CTNNA3: variants seen among roughly 807,000 people sequenced by gnomAD.
CTNNA3 encodes the protein catenin alpha-3.
In CTNNA3, 76 loss-of-function variants were observed where a neutral mutation model predicts 95.7. The observed-to-expected ratio is 0.79, with a 90% CI of 0.66 to 0.96. CTNNA3 has a LOEUF of 0.96. CTNNA3 is among the 40% of genes least tolerant of loss of function. CTNNA3 has a pLI of 0.00. For missense variants in CTNNA3, 1,191 were observed against 1,089.8 expected, an observed-to-expected ratio of 1.09 and a Z score of -1.31; for synonymous variants, 431 against 374.4, an observed-to-expected ratio of 1.15 and a Z score of -1.74.
chr10:66,316,430 T>C (rs918767942), intron 12 of CTNNA3, among the ~76,000 whole-genome samples: 3 of 152,056 alleles, frequency 2.0e-5, no homozygotes, highest in Admixed American at 2.0e-4. Context: ...ACTCATTAAT[T>C]TTTTAATTCC....
intron 3 of CTNNA3, among the ~76,000 whole-genome samples, chr10:67,540,204 AT>A (rs557061741): frequency 6.6e-6 from 1 of 152,138 alleles, no homozygotes; most frequent in Admixed American, 6.6e-5. Context: ...TGTGTCCACT[AT>A]TTTTAATGCC....
At chr10:66,835,954 C>A (rs914322450) in intron 7 of CTNNA3, among the ~76,000 whole-genome samples, 2 of 151,724 alleles carry the variant, frequency 1.3e-5, no homozygotes, top group Non-Finnish European at 2.9e-5. Context: ...TACTGCTGAT[C>A]TAAGGACCAC....
intron 5 of CTNNA3, among the ~76,000 whole-genome samples, chr10:67,387,622 A>G (rs1271273824): frequency 2.0e-5 from 3 of 152,154 alleles, no homozygotes; most frequent in East Asian, 1.9e-4. Context: ...CAGACAAACA[A>G]AAAGACAGCA....
chr10:67,196,581 T>C (rs1281356004), intron 6 of CTNNA3, among the ~76,000 whole-genome samples: 2 of 152,086 alleles, frequency 1.3e-5, no homozygotes, highest in Admixed American at 1.3e-4. Context: ...ATTTCACTCA[T>C]CTGATTTCAC....
intron 7 of CTNNA3, among the ~76,000 whole-genome samples, chr10:67,147,495 C>T (rs1393738154): frequency 1.3e-5 from 2 of 152,106 alleles, no homozygotes; most frequent in Non-Finnish European, 2.9e-5. Context: ...TCTTTTCTTC[C>T]AGGGTCAAAA....
chr10:66,598,552 T>C (rs969063397), intron 10 of CTNNA3, among the ~76,000 whole-genome samples: 3 of 151,942 alleles, frequency 2.0e-5, no homozygotes, highest in African/African-American at 7.2e-5. Context: ...AATAGGCAAA[T>C]TCAGTAAAGT....
At chr10:67,159,037 C>T (rs576871169) in intron 7 of CTNNA3, among the ~76,000 whole-genome samples, 5 of 152,220 alleles carry the variant, frequency 3.3e-5, no homozygotes, top group African/African-American at 1.2e-4. Flanking sequence ...GAAACCAGGC[C>T]TGGGCCTGCC....
intron 15 of CTNNA3, among the ~76,000 whole-genome samples, chr10:66,026,875 G>A (rs757759789): frequency 6.6e-6 from 1 of 152,042 alleles, no homozygotes. Context: ...TATGAAAATG[G>A]TGCTTCTAAG....
At chr10:67,747,863 A>C (rs1841381910) in intron 1 of CTNNA3, among the ~76,000 whole-genome samples, 1 of 152,224 alleles carries the variant, frequency 6.6e-6, no homozygotes, top group African/African-American at 2.4e-5. Context: ...AAGAACCATG[A>C]TAAAAGGTTA....
At chr10:66,672,104 T>C (rs1039593013) in intron 9 of CTNNA3, among the ~76,000 whole-genome samples, 1 of 152,074 alleles carries the variant, frequency 6.6e-6, no homozygotes, top group African/African-American at 2.4e-5. Context: ...ACAGAGAGAA[T>C]GGAGGAAGGG....
chr10:67,728,030 TG>T (rs1160957480), intron 1 of CTNNA3, among the ~76,000 whole-genome samples: 1 of 141,178 alleles, frequency 7.1e-6, no homozygotes, highest in African/African-American at 2.6e-5. Context: ...ATATTATATA[TG>T]ATATATAATT....
At chr10:67,686,522 G>A (rs2133578902) in intron 1 of CTNNA3, among the ~76,000 whole-genome samples, 1 of 152,278 alleles carries the variant, frequency 6.6e-6, no homozygotes, top group South Asian at 2.1e-4. Flanking sequence ...CCCTCAAGGA[G>A]TAGCGCCTGG....
At chr10:67,747,642 G>A (rs541034820) in intron 1 of CTNNA3, among the ~76,000 whole-genome samples, 89 of 152,336 alleles carry the variant, frequency 5.8e-4, no homozygotes, top group African/African-American at 2.0e-3. Flanking sequence ...GACAACTCAT[G>A]AAGATGAGAA....
intron 10 of CTNNA3, among the ~76,000 whole-genome samples, chr10:66,521,501 T>C (rs748157444): frequency 8.5e-5 from 13 of 152,170 alleles, no homozygotes; most frequent in African/African-American, 1.4e-4. Context: ...TGCCCAGTGA[T>C]TTCCCATGGA....
chr10:67,522,956 A>G (rs1840029676), intron 4 of CTNNA3, among the ~76,000 whole-genome samples: 1 of 152,184 alleles, frequency 6.6e-6, no homozygotes, highest in African/African-American at 2.4e-5. Context: ...TAAACACACC[A>G]GAACTCCACT....
chr10:66,420,835 A>AATAAATTAATTAATT (rs1652537233), intron 11 of CTNNA3, among the ~76,000 whole-genome samples: 1 of 92,994 alleles, frequency 1.1e-5, no homozygotes, highest in African/African-American at 4.0e-5. Context: ...ATAAATAAAT[A>AATAAATTAATTAATT]AATAAAAAAC....
At chr10:67,004,907 G>A (rs879827691) in intron 7 of CTNNA3, among the ~76,000 whole-genome samples, 2 of 152,146 alleles carry the variant, frequency 1.3e-5, no homozygotes, top group Non-Finnish European at 2.9e-5. Context: ...GTAGAACGCA[G>A]TATTTTAAGA....
At chr10:67,441,804 G>A (rs1846530168) in intron 5 of CTNNA3, among the ~76,000 whole-genome samples, 2 of 151,972 alleles carry the variant, frequency 1.3e-5, no homozygotes, top group Admixed American at 1.3e-4. Flanking sequence ...AATACTAAAG[G>A]GATCTCTTCA....
At chr10:67,192,823 AG>A (rs1863179050) in intron 6 of CTNNA3, among the ~76,000 whole-genome samples, 1 of 151,984 alleles carries the variant, frequency 6.6e-6, no homozygotes, top group Non-Finnish European at 1.5e-5. Flanking sequence ...TTATCACAAT[AG>A]CCAAAACATG....
Sources: allele counts gnomAD v4.1 joint callset (sites outside exome capture counted in the v4.1 genomes callset), GRCh38; gene constraint gnomAD v4.1.1; transcripts MANE v1.5; gene names NCBI Gene and HGNC (gene_info 2026-07-23, HGNC 2026-07-21).